DAB1: variants seen among roughly 807,000 people sequenced by gnomAD.
The protein encoded by DAB1 is disabled homolog 1.
Under a neutral mutation model 64.6 loss-of-function variants are expected in DAB1, and 15 were observed. The observed-to-expected ratio is 0.23, with a 90% CI of 0.16 to 0.36. The LOEUF (loss-of-function observed/expected upper bound fraction) is 0.36, where lower values mean the gene tolerates loss of function less well. DAB1 is among the 10% of genes least tolerant of loss of function. The probability of loss-of-function intolerance (pLI) is 1.00; values close to 1 mark genes in which losing one functional copy is unlikely to be tolerated. For missense variants in DAB1, 596 were observed against 706.7 expected (o/e 0.84, Z 1.78); for synonymous variants, 235 against 251.9 (o/e 0.93, Z 0.64).
intron 5 of DAB1, among the ~76,000 whole-genome samples, chr1:57,946,466 A>G (rs1209149503): frequency 6.6e-6 from 1 of 152,186 alleles, no homozygotes; most frequent in Non-Finnish European, 1.5e-5. Context: ...CTCCAAATCC[A>G]CTTTCTCCAC....
chr1:58,011,138 G>C (rs1646662218), intron 5 of DAB1, among the ~76,000 whole-genome samples: 1 of 152,136 alleles, frequency 6.6e-6, no homozygotes, highest in African/African-American at 2.4e-5. Context: ...GGTCATCTGT[G>C]GACCTGGCCC....
intron 4 of DAB1, among the ~76,000 whole-genome samples, chr1:58,280,985 T>G (rs1235961805): frequency 6.6e-6 from 1 of 152,100 alleles, no homozygotes; most frequent in Admixed American, 6.5e-5. Flanking sequence ...TGTACATGGA[T>G]GGAGGTTGGC....
chr1:58,242,047 A>G (rs1570530306), intron 4 of DAB1, among the ~76,000 whole-genome samples: 1 of 152,102 alleles, frequency 6.6e-6, no homozygotes, highest in South Asian at 2.1e-4. Flanking sequence ...GTTTATAAAA[A>G]TTACTGAATA....
At chr1:57,720,615 G>A (rs1007606414) in intron 6 of DAB1, among the ~76,000 whole-genome samples, 8 of 152,270 alleles carry the variant, frequency 5.3e-5, no homozygotes, top group South Asian at 2.1e-4. Flanking sequence ...TGTAAAATGG[G>A]GATATCAATA....
intron 6 of DAB1, among the ~76,000 whole-genome samples, chr1:57,666,399 AC>A (rs1200055002): frequency 6.6e-6 from 1 of 152,186 alleles, no homozygotes; most frequent in Non-Finnish European, 1.5e-5. Context: ...GATGGGGCCA[AC>A]AGAGTTGGAA....
intron 1 of DAB1, among the ~76,000 whole-genome samples, chr1:57,855,062 A>G (rs1653692109): frequency 3.3e-5 from 5 of 152,162 alleles, no homozygotes; most frequent in Admixed American, 3.3e-4. Context: ...TTCAGAATGA[A>G]TGAGCTTGAG....
At chr1:58,470,000 A>G (rs1370658377) in intron 3 of DAB1, among the ~76,000 whole-genome samples, 1 of 151,940 alleles carries the variant, frequency 6.6e-6, no homozygotes, top group African/African-American at 2.4e-5. Context: ...GAAGTGTACA[A>G]TCATCTCATT....
At chr1:57,086,025 G>A (rs1653040067) in intron 4 of DAB1, among the ~76,000 whole-genome samples, 1 of 152,176 alleles carries the variant, frequency 6.6e-6, no homozygotes. Context: ...ACTGCAATCA[G>A]TATGGGATTA....
intron 4 of DAB1, among the ~76,000 whole-genome samples, chr1:57,094,108 C>CAAAAAAA (rs59491159): frequency 8.9e-6 from 1 of 112,658 alleles, no homozygotes; most frequent in African/African-American, 3.5e-5. Flanking sequence ...GACTCTGCCT[C>CAAAAAAA]AAAAAAAAAA....
intron 5 of DAB1, among the ~76,000 whole-genome samples, chr1:57,936,656 GC>G (rs1645029466): frequency 6.6e-6 from 1 of 152,044 alleles, no homozygotes; most frequent in Non-Finnish European, 1.5e-5. Flanking sequence ...ATTTGCCTCA[GC>G]CTCCCAAAGT....
intron 5 of DAB1, among the ~76,000 whole-genome samples, chr1:58,038,832 G>C (rs1647088265): frequency 6.6e-6 from 1 of 152,202 alleles, no homozygotes; most frequent in South Asian, 2.1e-4. Context: ...AATACATGTA[G>C]AAAGTTAAAT....
chr1:58,197,066 C>G (rs1323461540), intron 4 of DAB1, among the ~76,000 whole-genome samples: 1 of 152,194 alleles, frequency 6.6e-6, no homozygotes, highest in Non-Finnish European at 1.5e-5. Flanking sequence ...CATTTCTTAT[C>G]TTCTAGCTAT....
intron 6 of DAB1, among the ~76,000 whole-genome samples, chr1:57,799,117 T>C (rs183540169): frequency 9.3e-4 from 142 of 152,336 alleles, no homozygotes; most frequent in Non-Finnish European, 9.8e-4. Flanking sequence ...AATGCGTTTC[T>C]TCGGCTGCAA....
chr1:58,300,602 AAGAAAGAAAGAGAGAGAGAGAGAG>A (rs1662114781), intron 4 of DAB1, among the ~76,000 whole-genome samples: 24 of 39,280 alleles, frequency 6.1e-4, no homozygotes, highest in Non-Finnish European at 8.3e-4. Context: ...GAAAGAAAGA[AAGAAAGAAAGAGAGAGAGAGAGAG>A]AGAGAGAGAG....
At chr1:57,006,468 G>C (rs1476674282) in intron 14 of DAB1, among the ~76,000 whole-genome samples, 1 of 152,094 alleles carries the variant, frequency 6.6e-6, no homozygotes, top group African/African-American at 2.4e-5. Context: ...ATGTCTCTTC[G>C]GTCTTAACCT....
At chr1:57,156,107 A>G (rs1367540171) in intron 2 of DAB1, among the ~76,000 whole-genome samples, 2 of 152,178 alleles carry the variant, frequency 1.3e-5, no homozygotes, top group African/African-American at 4.8e-5. Flanking sequence ...ATCACTTAAA[A>G]GAGTCTGGAG....
At chr1:57,835,049 TTGAC>T (rs1417893047) in intron 1 of DAB1, among the ~76,000 whole-genome samples, 3 of 152,300 alleles carry the variant, frequency 2.0e-5, no homozygotes, top group African/African-American at 7.2e-5. Flanking sequence ...GGGATATTCT[TTGAC>T]TGATGGATTG....
At chr1:57,272,840 C>T (rs577132236) in intron 2 of DAB1, among the ~76,000 whole-genome samples, 9 of 152,112 alleles carry the variant, frequency 5.9e-5, no homozygotes, top group African/African-American at 9.6e-5. Flanking sequence ...GGGTGTGGGG[C>T]GGGCAGTAGG....
At chr1:57,669,129 T>G (rs939696651) in intron 6 of DAB1, among the ~76,000 whole-genome samples, 1 of 152,274 alleles carries the variant, frequency 6.6e-6, no homozygotes, top group African/African-American at 2.4e-5. Context: ...AATTTTATTC[T>G]ATATTTTTAC....
Sources: allele counts gnomAD v4.1 joint callset (sites outside exome capture counted in the v4.1 genomes callset), GRCh38; gene constraint gnomAD v4.1.1; transcripts MANE v1.5; gene names NCBI Gene and HGNC (gene_info 2026-07-23, HGNC 2026-07-21).